AXIN1: variants seen among roughly 807,000 people sequenced by gnomAD.
AXIN1 encodes axin-1.
A neutral mutation model predicts 76.4 loss-of-function variants in AXIN1; 30 were observed. That is an observed-to-expected ratio of 0.39 (90% confidence interval 0.29 to 0.53). The LOEUF is 0.53. Among genes scored for constraint, AXIN1 ranks in the 20% least tolerant of loss-of-function variants. The pLI, the probability that AXIN1 is intolerant of heterozygous loss-of-function variation, is 0.66. For synonymous variants in AXIN1, 545 were observed against 501.4 expected, an observed-to-expected ratio of 1.09 and a Z score of -1.16; for missense variants, 1,140 against 1,198.8, an observed-to-expected ratio of 0.95 and a Z score of 0.72.
rs1361704207 is a variant in AXIN1 at position 295,743 on chromosome 16, C to G, written c.1955+1313G>C. Among the ~76,000 whole-genome samples the G allele has an allele frequency of 5.9e-5, 9 of 152,202 alleles. No homozygotes were observed. In the South Asian group the frequency reaches 1.9e-3, roughly 32 times the overall value. Reference sequence around the variant, plus strand: ...CCAGGAGGCCGAGGCAGGCGGATCACCAAAGGTTGGGAGTTCGAGATCAGC... The same window carrying G: ...CCAGGAGGCCGAGGCAGGCGGATCAGCAAAGGTTGGGAGTTCGAGATCAGC... On this transcript the variant is annotated intron_variant, in intron 7 of 10. Coordinates refer to ENST00000262320, the MANE Select transcript of AXIN1 (RefSeq NM_003502.4).
At chr16:315,843 A>G (rs1240417047) in intron 2 of AXIN1, among the ~76,000 whole-genome samples, 1 of 151,052 alleles carries the variant, frequency 6.6e-6, no homozygotes, top group African/African-American at 2.4e-5. Flanking sequence ...AAAAAAAAAA[A>G]AAAAAAAAAG....
In AXIN1 at chr16:296,043, A is replaced by G. The variant is rs371495410; in HGVS notation, c.1955+1013T>C. The stretch of plus-strand genomic sequence containing the variant: ...CATTTTGGGAGGCCAAGGTGGGAGG[A>G]TCACTTGAGCCCAAAAGCTTGAGAC... On this transcript the variant is annotated intron_variant, in intron 7 of 10. Transcript: ENST00000262320. Among the ~76,000 whole-genome samples the G allele has an allele frequency of 2.1e-4, 32 of 152,310 alleles. 1 individual carries two copies. In the South Asian group the frequency reaches 5.0e-3, roughly 24 times the overall value.
At chr16:303,844 C>T (rs1422398656) in intron 5 of AXIN1, among the ~76,000 whole-genome samples, 1 of 152,206 alleles carries the variant, frequency 6.6e-6, no homozygotes, top group African/African-American at 2.4e-5. Context: ...ACCATGGCCT[C>T]AAGGAACCAA....
At chr16:296,635 C>G (rs2052718904) in intron 7 of AXIN1, among the ~76,000 whole-genome samples, 1 of 152,208 alleles carries the variant, frequency 6.6e-6, no homozygotes, top group Admixed American at 6.5e-5. Context: ...CAAGAGCCTT[C>G]CCCAGCCCTC....
Position 293,689 on chromosome 16 carries a change from T to C in AXIN1, c.1985A>G (p.His662Arg), listed in dbSNP as rs755869194. ...AAGGGACAAGGGTCTGGAGTTCTCA[T>C]GGGGCTGTGGCTTCCTCGTCCCCGA... ...GSSGTRKPQP[H>R]ENSRPLSLEH... is the part of the protein sequence containing the mutation. The change falls in exon 8 of 11, where the codon CAT becomes CGT. Residue 662 changes from histidine (H) to arginine (R), a missense_variant. Transcript: ENST00000262320. The surrounding 1 kb of genome is among the most constrained non-coding windows in gnomAD (Gnocchi z 4.6). 28 of 1,613,536 alleles carry C rather than the reference T, an allele frequency of 1.7e-5. No homozygotes were observed. The highest frequency in any genetic ancestry group is 2.1e-5 in the Non-Finnish European group (25 of 1,179,986).
At chr16:310,673 T>C (rs1567277996) in intron 3 of AXIN1, among the ~76,000 whole-genome samples, 1 of 152,136 alleles carries the variant, frequency 6.6e-6, no homozygotes, top group South Asian at 2.1e-4. Flanking sequence ...CTGGGAGTAA[T>C]TACAGGCGCA....
At chr16:304,245 G>C (rs536280994) in intron 5 of AXIN1, 59 bp downstream of exon 5, 7 of 1,599,700 alleles carry the variant, frequency 4.4e-6, no homozygotes, top group Admixed American at 1.7e-5. Context: ...AGGACATCCC[G>C]GCGGCAAGAA....
rs748733363 is a variant in AXIN1 at position 298,230 on chromosome 16, C to G, written c.1276G>C (p.Asp426His). ...GGCCCTGGGGGCCCTGACGATGGAT[C>G]GCCGTCCTCACCTTCCTCCTCCTGT... ...VRMEEEGEDG[D>H]PSSGPPGPCH... is the part of the protein sequence containing the mutation. The change falls in exon 6 of 11, where the codon GAT (aspartate) becomes CAT (histidine). Residue 426 changes from aspartate to histidine, a missense_variant. Physicochemically the swap from Asp to His is moderately conservative, Grantham distance 81. This residue lies in a region of AXIN1 where 708 missense variants were observed against 776.9 expected (regional missense o/e 0.91). Coordinates refer to ENST00000262320, the MANE Select transcript of AXIN1 (RefSeq NM_003502.4). 1.3e-6 allele frequency: 2 copies of G among 1,539,832 alleles called. No individual in the cohort carries two copies. The highest frequency in any genetic ancestry group is 2.4e-5 in the South Asian group (2 of 84,092).
Position 289,622 on chromosome 16 carries a change from G to A in AXIN1, c.2295-15C>T, listed in dbSNP as rs897550665. 3.0e-5 allele frequency: 48 copies of A among 1,612,268 alleles called. No homozygotes were observed. Among genetic ancestry groups the A allele is most frequent in the Non-Finnish European group, 3.9e-5 (46 of 1,179,844 alleles). On this transcript the variant is annotated splice_polypyrimidine_tract_variant and intron_variant, in intron 9 of 10. Coordinates refer to ENST00000262320, the MANE Select transcript of AXIN1 (RefSeq NM_003502.4). ...GCGATCTTGTCCTGGGGAAAGAGAT[G>A]CAGCGGTGGTACCTGGTTTTGGACT...
In AXIN1 at chr16:347,160, G is replaced by T. The variant is rs891885596; in HGVS notation, c.-81-54C>A. The T allele has an allele frequency of 4.7e-6, 7 of 1,498,262 alleles. No individual in the cohort carries two copies. In the South Asian group the frequency reaches 4.7e-5, roughly 10 times the overall value. The allele number at this position is 1,498,262 out of a possible 1,614,324, so 92.8% of individuals were successfully genotyped here. A position where few individuals can be genotyped will look rare whatever the true frequency, so the allele number is the denominator to read the frequency against. On this transcript the variant is annotated intron_variant, in intron 1 of 10. Transcript: ENST00000262320. ...TAGGAAAGGTGGGTCCATGAAACACGACCAGAGGTTTTCTCAAGACAAGAC... is the reference window on the plus strand; with the variant it reads ...TAGGAAAGGTGGGTCCATGAAACACTACCAGAGGTTTTCTCAAGACAAGAC...
At chr16:339,832 G>C (rs1201036795) in intron 2 of AXIN1, among the ~76,000 whole-genome samples, 3 of 152,140 alleles carry the variant, frequency 2.0e-5, no homozygotes, top group African/African-American at 7.2e-5. Context: ...CACAGCAGAG[G>C]TCCCCTTAAC....
At chr16:292,330 C>G (rs1216692416) in intron 8 of AXIN1, 1 of 152,284 alleles carries the variant, frequency 6.6e-6, no homozygotes, top group Non-Finnish European at 1.5e-5. Context: ...AAAGTGGTCA[C>G]CCTTTGGGTT....
intron 4 of AXIN1, among the ~76,000 whole-genome samples, chr16:305,056 G>A (rs545812253): frequency 2.6e-5 from 4 of 152,324 alleles, no homozygotes; most frequent in Admixed American, 6.5e-5. Context: ...CTTCAGAGAA[G>A]CACTCGAGGA....
intron 2 of AXIN1, among the ~76,000 whole-genome samples, chr16:339,766 A>G (rs1370688127): frequency 1.3e-5 from 2 of 151,998 alleles, no homozygotes; most frequent in Non-Finnish European, 2.9e-5. Flanking sequence ...CACCCAGGCA[A>G]GGGGAGCCCA....
At chr16:311,904 C>A (rs2053191386) in intron 3 of AXIN1, among the ~76,000 whole-genome samples, 1 of 152,216 alleles carries the variant, frequency 6.6e-6, no homozygotes, top group African/African-American at 2.4e-5. Context: ...CGACCCAGGG[C>A]TGCGTGGCAG....
At chr16:318,819 C>T (rs2053366135) in intron 2 of AXIN1, among the ~76,000 whole-genome samples, 1 of 148,868 alleles carries the variant, frequency 6.7e-6, no homozygotes, top group South Asian at 2.2e-4. Flanking sequence ...AGATGCTGAC[C>T]CCTGGCTGTG....
chr16:297,101 A>T lies in AXIN1; in HGVS notation c.1910T>A (p.Ile637Asn), dbSNP rs528379938. The T allele has an allele frequency of 6.2e-7, 1 of 1,612,472 alleles. No individual in the cohort carries two copies. Among genetic ancestry groups the T allele is most frequent in the Non-Finnish European group, 8.5e-7 (1 of 1,179,888 alleles). ...EKNQKIMQWI[I>N]EGEKEISRHR... Reference sequence around the variant, plus strand: ...CCTGCTGATCTCCTTTTCCCCCTCAATGATCCACTGCATGATTTTCTGGTT... The same window carrying T: ...CCTGCTGATCTCCTTTTCCCCCTCATTGATCCACTGCATGATTTTCTGGTT... The change falls in exon 7 of 11, where the codon ATT becomes AAT. Residue 637 changes from isoleucine (I) to asparagine (N), a missense_variant. By Grantham distance (149) the Ile-to-Asn change is moderately radical (BLOSUM62 -3). Coordinates refer to ENST00000262320, the MANE Select transcript of AXIN1 (RefSeq NM_003502.4).
chr16:294,865 G>A (rs1277569704), intron 7 of AXIN1, among the ~76,000 whole-genome samples: 5 of 150,570 alleles, frequency 3.3e-5, no homozygotes, highest in South Asian at 2.1e-4. Flanking sequence ...GATCGAGACC[G>A]TCCTGGCTAA....
chr16:301,265 T>A (rs1288304223), intron 5 of AXIN1, among the ~76,000 whole-genome samples: 1 of 147,254 alleles, frequency 6.8e-6, no homozygotes, highest in Admixed American at 6.8e-5. Flanking sequence ...AGCGAGACTC[T>A]GCCTCAAAAA....
Sources: allele counts gnomAD v4.1 joint callset (sites outside exome capture counted in the v4.1 genomes callset), GRCh38; gene constraint gnomAD v4.1.1; regional missense constraint gnomAD v4.1.1; non-coding constraint Gnocchi (gnomAD v3.1); transcripts MANE v1.5; gene names NCBI Gene and HGNC (gene_info 2026-07-23, HGNC 2026-07-21).